Variants in MAP3K3 observed in about 807,000 individuals in gnomAD.
The protein encoded by MAP3K3 is mitogen-activated protein kinase kinase kinase 3.
Under a neutral mutation model 80.9 loss-of-function variants are expected in MAP3K3, and 12 were observed. That is an observed-to-expected ratio of 0.15 (90% CI 0.10 to 0.24). The LOEUF is 0.24. Ranked by LOEUF, MAP3K3 falls within the 10% of genes least tolerant of loss-of-function variation. MAP3K3 has a pLI of 1.00. For missense variants in MAP3K3, 596 were observed against 834.7 expected (o/e 0.71, Z 3.52); for synonymous variants, 272 against 307.1 (o/e 0.89, Z 1.19).
rs577210644 is a variant in MAP3K3, at chr17:63,692,678, C to G, written c.1652+259C>G. 2.6e-5 allele frequency among the ~76,000 whole-genome samples: 4 copies of G among 152,224 alleles called. No homozygotes were observed. The highest frequency in any genetic ancestry group is 7.2e-5 in the African/African-American group (3 of 41,448). On this transcript the variant is annotated intron_variant, in intron 15 of 15. Coordinates refer to ENST00000361733, the MANE Select transcript of MAP3K3 (RefSeq NM_002401.5). The surrounding 1 kb of genome is among the most constrained non-coding windows in gnomAD (Gnocchi z 4.5). ...GCTAAATCTCTTAAGGAAGCAGGAT[C>G]CACTCTGAAGGCCTGAAGGCCTGGA...
At chr17:63,672,683 C>A (rs1026540617) in intron 6 of MAP3K3, among the ~76,000 whole-genome samples, 1 of 152,056 alleles carries the variant, frequency 6.6e-6, no homozygotes, top group African/African-American at 2.4e-5. Context: ...CACTTAGTGG[C>A]CAGTTAGAAG....
intron 3 of MAP3K3, among the ~76,000 whole-genome samples, chr17:63,650,402 A>C (rs1260555154): frequency 6.6e-6 from 1 of 152,052 alleles, no homozygotes; most frequent in Non-Finnish European, 1.5e-5. Flanking sequence ...CCTGGGTTCA[A>C]GTGATTCTCC....
chr17:63,673,480 A>G (rs1274195900), intron 6 of MAP3K3, among the ~76,000 whole-genome samples: 2 of 152,220 alleles, frequency 1.3e-5, no homozygotes, highest in African/African-American at 2.4e-5. Context: ...CTAGGCAGAT[A>G]GGTGGAATTT....
rs1445489020 is a variant in MAP3K3, at chr17:63,693,733, G to A, written c.1837G>A (p.Ala613Thr). ...TGTGGAGGCTCGCCAGAGACCTTCA[G>A]CTGAGGAGCTGCTCACACACCACTT... ...IFVEARQRPS[A>T]EELLTHHFAQ... Residue 613 changes from alanine to threonine, a missense_variant, in exon 16 of 16, where the codon GCT becomes ACT. Transcript: ENST00000361733. The surrounding 1 kb of genome is among the most constrained non-coding windows in gnomAD (Gnocchi z 4.2). 6.2e-7 allele frequency: 1 copy of A among 1,603,160 alleles called. No homozygotes were observed.
In MAP3K3 at chr17:63,692,056, G is replaced by A. The variant is rs1375018186; in HGVS notation, c.1475-186G>A. On this transcript the variant is annotated intron_variant, in intron 14 of 15. Transcript: ENST00000361733. This position sits in a 1 kb window ranked among gnomAD's most constrained non-coding sequence, Gnocchi z 4.5. ...CAAGTTCCCTCTACATGTGGGCCTTGGAGATGGTCATTTTGTGCGGTAGAT... is the reference window on the plus strand; with the variant it reads ...CAAGTTCCCTCTACATGTGGGCCTTAGAGATGGTCATTTTGTGCGGTAGAT... Among the ~76,000 whole-genome samples the A allele has an allele frequency of 6.6e-6, 1 of 152,220 alleles. No individual in the cohort carries two copies. Among genetic ancestry groups the A allele is most frequent in the Non-Finnish European group, 1.5e-5 (1 of 68,036 alleles).
intron 9 of MAP3K3, 49 bp downstream of exon 9, chr17:63,688,643 C>T (rs1343909451): frequency 3.9e-6 from 6 of 1,557,792 alleles, no homozygotes; most frequent in Non-Finnish European, 5.3e-6. Flanking sequence ...CTGGGTGGGG[C>T]CTCAGGTGGC....
Position 63,652,624 on chromosome 17 carries a change from C to A in MAP3K3, c.235C>A (p.Gln79Lys), listed in dbSNP as rs1447424546. Reference sequence around the variant, plus strand: ...GCACAAGGTGACAACAGTATTTGGACAACCTCTTGATCTACATTACATGAA... The same window carrying A: ...GCACAAGGTGACAACAGTATTTGGAAAACCTCTTGATCTACATTACATGAA... ...VEHKVTTVFG[Q>K]PLDLHYMNNE... The change falls in exon 4 of 16, where the codon CAA (glutamine) becomes AAA (lysine). Residue 79 changes from glutamine to lysine, a missense_variant. By Grantham distance (53) the Gln-to-Lys change is moderately conservative. This residue lies in a region of MAP3K3 where 232 missense variants were observed against 245.8 expected (regional missense o/e 0.94). Coordinates refer to ENST00000361733, the MANE Select transcript of MAP3K3 (RefSeq NM_002401.5). The A allele has an allele frequency of 6.2e-7, 1 of 1,613,596 alleles. No homozygotes were observed. Among genetic ancestry groups the A allele is most frequent in the Non-Finnish European group, 8.5e-7 (1 of 1,179,618 alleles).
chr17:63,652,517 A>T (rs1413894354), intron 3 of MAP3K3, 40 bp from the exon 4 acceptor site: 1 of 1,308,116 alleles, frequency 7.6e-7, no homozygotes, highest in Admixed American at 1.7e-5. Flanking sequence ...CTACGTTTTA[A>T]GTATACAATT....
chr17:63,648,352 G>A, intron 3 of MAP3K3, among the ~76,000 whole-genome samples: 1 of 152,102 alleles, frequency 6.6e-6, no homozygotes, highest in East Asian at 1.9e-4. Context: ...CAGAAAGGCT[G>A]GACCCTTTTG....
intron 3 of MAP3K3, among the ~76,000 whole-genome samples, chr17:63,650,658 TAGAG>T (rs61412799): frequency 0.029 from 3,360 of 117,168 alleles, 61 homozygotes; most frequent in African/African-American, 0.047. Context: ...CTGTCTCTTA[TAGAG>T]AGAGAGAGAG....
intron 5 of MAP3K3, among the ~76,000 whole-genome samples, chr17:63,664,246 CAAAAAAAAAA>C (rs60599826): frequency 8.3e-5 from 6 of 72,514 alleles, no homozygotes; most frequent in African/African-American, 2.3e-4. Context: ...GACTCCGTCT[CAAAAAAAAAA>C]AAAAAAAAAA....
At chr17:63,680,786 GT>G (rs2035315063) in intron 6 of MAP3K3, among the ~76,000 whole-genome samples, 1 of 147,128 alleles carries the variant, frequency 6.8e-6, no homozygotes, top group Non-Finnish European at 1.5e-5. Flanking sequence ...ATAAATAATT[GT>G]TTTTGGGTGT....
chr17:63,671,668 A>G (rs1286722699), intron 6 of MAP3K3, among the ~76,000 whole-genome samples: 1 of 152,172 alleles, frequency 6.6e-6, no homozygotes, highest in East Asian at 1.9e-4. Flanking sequence ...GTAATGGCTT[A>G]ATGGCATGTG....
intron 5 of MAP3K3, among the ~76,000 whole-genome samples, chr17:63,664,495 C>A (rs1259488843): frequency 1.3e-5 from 2 of 152,156 alleles, no homozygotes; most frequent in Non-Finnish European, 2.9e-5. Flanking sequence ...TTCACCTCTT[C>A]CCTGCATCGT....
In MAP3K3 at chr17:63,692,342, C is replaced by G; in HGVS notation, c.1575C>G (p.Arg525=). 6.2e-7 allele frequency: 1 copy of G among 1,613,932 alleles called. No homozygotes were observed. Among genetic ancestry groups the G allele is most frequent in the African/African-American group, 1.3e-5 (1 of 75,058 alleles). ...QTICMSGTGM[R]SVTGTPYWMS... Reference sequence around the variant, plus strand: ...TCTGTATGTCGGGGACGGGCATGCGCTCCGTCACTGGCACACCCTACTGGA... The same window carrying G: ...TCTGTATGTCGGGGACGGGCATGCGGTCCGTCACTGGCACACCCTACTGGA... The change falls in exon 15 of 16, where the codon CGC becomes CGG. Residue 525 remains arginine (R), a synonymous_variant. Coordinates refer to ENST00000361733, the MANE Select transcript of MAP3K3 (RefSeq NM_002401.5). This position sits in a 1 kb window ranked among gnomAD's most constrained non-coding sequence, Gnocchi z 4.5.
intron 2 of MAP3K3, among the ~76,000 whole-genome samples, chr17:63,639,534 C>T (rs973717046): frequency 2.6e-4 from 39 of 152,030 alleles, no homozygotes; most frequent in Non-Finnish European, 4.9e-4. Flanking sequence ...AAAGAAGGAA[C>T]ATGGTGAAAA....
At chr17:63,682,367 A>G (rs1189886630) in intron 7 of MAP3K3, 2 of 152,448 alleles carry the variant, frequency 1.3e-5, no homozygotes, top group Admixed American at 1.3e-4. Flanking sequence ...GATGGTAGAC[A>G]GTTGTATTAG....
intron 3 of MAP3K3, among the ~76,000 whole-genome samples, chr17:63,650,212 G>A (rs565316809): frequency 1.1e-4 from 17 of 152,272 alleles, no homozygotes; most frequent in Admixed American, 6.5e-5. Context: ...TTTTCTATTA[G>A]ATTGTCTTTT....
In MAP3K3 at chr17:63,657,910, A is replaced by G; in HGVS notation, c.381+3A>G. The G allele has an allele frequency of 6.6e-7, 1 of 1,513,100 alleles. No homozygotes were observed. Among genetic ancestry groups the G allele is most frequent in the Non-Finnish European group, 9.1e-7 (1 of 1,096,002 alleles). The allele number at this position is 1,513,100 out of a possible 1,614,324, so 93.7% of individuals were successfully genotyped here. Reference sequence around the variant, plus strand: ...TGTTGTCCCAGGACAGAAACCATGTAAGTAGCCCTTGTCATGGTCTGGCAG... The same window carrying G: ...TGTTGTCCCAGGACAGAAACCATGTGAGTAGCCCTTGTCATGGTCTGGCAG... On this transcript the variant is annotated splice_donor_region_variant and intron_variant, in intron 5 of 15. Transcript: ENST00000361733.
Sources: allele counts gnomAD v4.1 joint callset (sites outside exome capture counted in the v4.1 genomes callset), GRCh38; gene constraint gnomAD v4.1.1; regional missense constraint gnomAD v4.1.1; non-coding constraint Gnocchi (gnomAD v3.1); transcripts MANE v1.5; gene names NCBI Gene and HGNC (gene_info 2026-07-23, HGNC 2026-07-21).